The following HLTF variants were observed in gnomAD, a reference collection of about 807,000 sequenced individuals.
HLTF encodes the protein DNA-dependent ATPase/E3 ubiquitin-protein ligase HLTF.
A neutral mutation model predicts 129.4 loss-of-function variants in HLTF; 127 were observed. That is an observed-to-expected ratio of 0.98 (90% CI 0.85 to 1.14). The LOEUF (loss-of-function observed/expected upper bound fraction) is 1.14, where lower values mean the gene tolerates loss of function less well. HLTF is among the 50% of genes most tolerant of loss of function. The pLI is 0.00. For synonymous variants in HLTF, 332 were observed against 388.8 expected (o/e 0.85, Z 1.72); for missense variants, 1,139 against 1,187.1 (o/e 0.96, Z 0.60).
At chr3:149,085,739 C>G (rs959604653) in intron 1 of HLTF, among the ~76,000 whole-genome samples, 3 of 152,168 alleles carry the variant, frequency 2.0e-5, no homozygotes, top group Non-Finnish European at 2.9e-5. Flanking sequence ...AAGCATAACC[C>G]CAAACCCATT....
At chr3:149,060,240 T>C (rs1717807021) in intron 12 of HLTF, among the ~76,000 whole-genome samples, 1 of 152,134 alleles carries the variant, frequency 6.6e-6, no homozygotes, top group African/African-American at 2.4e-5. Flanking sequence ...AAATAAAACA[T>C]ATTTTAAAGA....
chr3:149,072,442 A>C (rs949704514), intron 5 of HLTF, among the ~76,000 whole-genome samples: 9 of 152,352 alleles, frequency 5.9e-5, no homozygotes, highest in African/African-American at 2.2e-4. Flanking sequence ...TATTACTGCA[A>C]TAAGGAACTT....
chr3:149,066,304 C>T (rs1489621785), intron 8 of HLTF, among the ~76,000 whole-genome samples: 1 of 152,092 alleles, frequency 6.6e-6, no homozygotes, highest in African/African-American at 2.4e-5. Context: ...CCTCAGCCTC[C>T]CAAAGTGCTG....
At chr3:149,036,828 C>T (rs1001210954) in intron 23 of HLTF, among the ~76,000 whole-genome samples, 16 of 151,994 alleles carry the variant, frequency 1.1e-4, no homozygotes, top group Non-Finnish European at 7.4e-5. Flanking sequence ...TTATGTTTCT[C>T]GGACCTGACT....
Position 149,059,705 on chromosome 3 carries a change from G to T in HLTF, c.1375+13C>A, listed in dbSNP as rs1717756719. Reference sequence around the variant, plus strand: ...AAAAAACCAAAAACTAGAAAACAAGGATATTTACTGACCCTTTTTCAACAT... The same window carrying T: ...AAAAAACCAAAAACTAGAAAACAAGTATATTTACTGACCCTTTTTCAACAT... On this transcript the variant is annotated intron_variant, in intron 13 of 24. Coordinates refer to ENST00000310053, the MANE Select transcript of HLTF (RefSeq NM_003071.4). The T allele has an allele frequency of 6.7e-7, 1 of 1,488,464 alleles. No individual in the cohort carries two copies. The highest frequency in any genetic ancestry group is 9.2e-7 in the Non-Finnish European group (1 of 1,090,268). 92.2% of individuals were successfully genotyped at this position (1,488,464 alleles called of 1,614,324 possible). A position where few individuals can be genotyped will look rare whatever the true frequency, so the allele number is the denominator to read the frequency against.
intron 9 of HLTF, 43 bp from the exon 10 acceptor site, chr3:149,063,567 T>A: frequency 8.7e-7 from 1 of 1,152,502 alleles, no homozygotes; most frequent in South Asian, 1.2e-5. Context: ...TAGTAAGGTG[T>A]CTTAGAAACT....
chr3:149,063,774 G>C (rs1030211835), intron 9 of HLTF, among the ~76,000 whole-genome samples: 2 of 151,788 alleles, frequency 1.3e-5, no homozygotes, highest in Non-Finnish European at 2.9e-5. Flanking sequence ...CACACTAGCT[G>C]AATGTCTTGC....
chr3:149,037,767 G>C (rs186413589), intron 23 of HLTF, among the ~76,000 whole-genome samples: 3 of 152,172 alleles, frequency 2.0e-5, no homozygotes, highest in African/African-American at 7.2e-5. Flanking sequence ...AAGTCTGAAT[G>C]CACAGAAACA....
Position 149,055,484 on chromosome 3 carries a change from C to T in HLTF, c.1376-84G>A, listed in dbSNP as rs565050688. The T allele has an allele frequency of 2.0e-5, 17 of 846,762 alleles. No individual in the cohort carries two copies. In the East Asian group the frequency reaches 4.2e-4, roughly 21 times the overall value. 52.5% of individuals were successfully genotyped at this position (846,762 alleles called of 1,614,324 possible). A position where few individuals can be genotyped will look rare whatever the true frequency, so the allele number is the denominator to read the frequency against. ...TAAGGAGATGGCAATAATGTGCCTC[C>T]ATGAAAAGATAAATTAGGAACAATT... On this transcript the variant is annotated intron_variant, in intron 13 of 24. Transcript: ENST00000310053.
At chr3:149,059,868 G>A (rs2108015137) in intron 12 of HLTF, 61 bp from the exon 13 acceptor site, 1 of 978,610 alleles carries the variant, frequency 1.0e-6, no homozygotes, top group Non-Finnish European at 1.6e-6. Context: ...TAGAGTACAG[G>A]TACTTTCTAA....
chr3:149,032,501 CTATT>C (rs1408631924), intron 24 of HLTF, 129 bp from the exon 25 acceptor site: 2 of 542,188 alleles, frequency 3.7e-6, no homozygotes, highest in Non-Finnish European at 6.2e-6. Context: ...ACTATAATAA[CTATT>C]TAATAGAACT....
At position 149,039,198 on chromosome 3, in the gene HLTF, C is replaced by T. The variant is rs1715905093; in HGVS notation, c.2647G>A (p.Gly883Ser). Reference protein sequence around the residue: ...ASGFVFTRLDGSMAQKKRVES... With the variant: ...ASGFVFTRLDSSMAQKKRVES... ...ACTCTTTTCTTTTGGGCCATGGAAC[C>T]ATCCAAACGAGTAAACACAAATCCA... The change falls in exon 23 of 25, where the codon GGT becomes AGT. Residue 883 changes from glycine (G) to serine (S), a missense_variant. Gly to Ser is a moderately conservative substitution (Grantham distance 56, BLOSUM62 0). Transcript: ENST00000310053. The T allele has an allele frequency of 6.3e-7, 1 of 1,592,562 alleles. No homozygotes were observed. The highest frequency in any genetic ancestry group is 1.4e-5 in the African/African-American group (1 of 73,704).
At chr3:149,050,408 A>G in intron 14 of HLTF, 33 bp from the exon 15 acceptor site, 3 of 1,488,124 alleles carry the variant, frequency 2.0e-6, no homozygotes, top group Non-Finnish European at 2.7e-6. Flanking sequence ...TTTAACAATG[A>G]GCAGATTTGT....
rs1718570681 is a variant in HLTF, at chr3:149,068,280, G to A, written c.950C>T (p.Pro317Leu). The change falls in exon 8 of 25, where the codon CCT (proline) becomes CTT (leucine). Residue 317 changes from proline to leucine, a missense_variant. Transcript: ENST00000310053. ...CTTTTTAACTCTTTCAATAGGAAGAGGTCTGCCATCATGGAAGTTGGTAAG... is the reference window on the plus strand; with the variant it reads ...CTTTTTAACTCTTTCAATAGGAAGAAGTCTGCCATCATGGAAGTTGGTAAG... ...VILTNFHDGR[P>L]LPIERVKKNL... 1.9e-6 allele frequency: 3 copies of A among 1,572,852 alleles called. No homozygotes were observed. The highest frequency in any genetic ancestry group is 2.6e-6 in the Non-Finnish European group (3 of 1,147,164).
chr3:149,077,645 T>C (rs1443287673), intron 2 of HLTF, among the ~76,000 whole-genome samples: 1 of 151,376 alleles, frequency 6.6e-6, no homozygotes, highest in Non-Finnish European at 1.5e-5. Flanking sequence ...TATTTCTGGA[T>C]ATCTAGAAGG....
rs145705282 is a variant in HLTF, at chr3:149,075,347, G to A, written c.395+534C>T. 4.4e-3 allele frequency among the ~76,000 whole-genome samples: 675 copies of A among 152,264 alleles called. 9 individuals carry two copies. Among genetic ancestry groups the A allele is most frequent in the African/African-American group, 0.015 (637 of 41,550 alleles). ...GCAGATCACCTGAGGTCAGGAGTTC[G>A]AGACAGCCTGGCCAACATGGCAAAT... On this transcript the variant is annotated intron_variant, in intron 3 of 24. Coordinates refer to ENST00000310053, the MANE Select transcript of HLTF (RefSeq NM_003071.4).
intron 18 of HLTF, among the ~76,000 whole-genome samples, chr3:149,042,969 G>A (rs947058368): frequency 6.6e-6 from 1 of 151,994 alleles, no homozygotes; most frequent in Non-Finnish European, 1.5e-5. Context: ...ATAATCAGCA[G>A]AGAGCAAAGG....
rs1489988380 is a variant in HLTF at position 149,083,400 on chromosome 3, T to C, written c.228+1282A>G. ...ATGATTACTTTTTATCAACACACAC[T>C]AGAGTTTACCGAAGTCATAGAGATT... On this transcript the variant is annotated intron_variant, in intron 2 of 24. Transcript: ENST00000310053. Among the ~76,000 whole-genome samples the C allele has an allele frequency of 3.9e-5, 6 of 152,278 alleles. No homozygotes were observed. In the East Asian group the frequency reaches 1.2e-3, roughly 29 times the overall value.
intron 24 of HLTF, among the ~76,000 whole-genome samples, chr3:149,034,424 G>GTC (rs570621111): frequency 6.6e-6 from 1 of 152,246 alleles, no homozygotes; most frequent in African/African-American, 2.4e-5. Flanking sequence ...CAGGGGCTGG[G>GTC]GGGAGAGGAA....
Sources: allele counts gnomAD v4.1 joint callset (sites outside exome capture counted in the v4.1 genomes callset), GRCh38; gene constraint gnomAD v4.1.1; transcripts MANE v1.5; gene names NCBI Gene and HGNC (gene_info 2026-07-23, HGNC 2026-07-21).